Variants in EDA observed in about 807,000 individuals in gnomAD.
EDA encodes the protein ectodysplasin-A.
In EDA, 2 loss-of-function variants were observed where a neutral mutation model predicts 23.6. The ratio of observed to expected loss-of-function variants is 0.08; its 90% confidence interval spans 0.03 to 0.27. EDA has a LOEUF of 0.27. Ranked by LOEUF, EDA falls within the 10% of genes least tolerant of loss-of-function variation. The probability of loss-of-function intolerance (pLI) is 1.00; values close to 1 mark genes in which losing one functional copy is unlikely to be tolerated. For missense variants in EDA, 229 were observed against 324.2 expected (o/e 0.71, Z 2.26); for synonymous variants, 131 against 132.0 (o/e 0.99, Z 0.05).
At chrX:69,830,260 C>T (rs1002800592) in intron 1 of EDA, among the ~76,000 whole-genome samples, 1 of 111,625 alleles carries the variant, frequency 9.0e-6, no homozygotes, top group Admixed American at 9.6e-5. Context: ...TTTTTTAAAG[C>T]CAGAATGACT....
At chrX:69,904,368 TG>T (rs1207307162) in intron 1 of EDA, among the ~76,000 whole-genome samples, 1 of 110,665 alleles carries the variant, frequency 9.0e-6, no homozygotes, top group Non-Finnish European at 1.9e-5. Context: ...TTTTTTTCTT[TG>T]AGACACTATC....
chrX:69,715,712 A>G (rs1227397358), intron 1 of EDA, among the ~76,000 whole-genome samples: 1 of 112,063 alleles, frequency 8.9e-6, no homozygotes, highest in Non-Finnish European at 1.9e-5. Context: ...GTGTATAAGC[A>G]TTCTCTTTTC....
At chrX:69,847,478 TC>T (rs1454245503) in intron 1 of EDA, among the ~76,000 whole-genome samples, 1 of 111,279 alleles carries the variant, frequency 9.0e-6, no homozygotes. Flanking sequence ...CCCTCCTCTC[TC>T]CTTACTACTA....
intron 1 of EDA, among the ~76,000 whole-genome samples, chrX:69,764,909 A>C (rs1452077073): frequency 9.0e-6 from 1 of 111,667 alleles, no homozygotes; most frequent in East Asian, 2.9e-4. Flanking sequence ...CAATTCTCAA[A>C]CCAAATTAAT....
In EDA at chrX:69,616,272, C is replaced by T. The variant is rs1377938005; in HGVS notation, c.-37C>T. The T allele has an allele frequency of 1.7e-6, 2 of 1,158,496 alleles. No homozygotes were observed. The highest frequency in any genetic ancestry group is 1.1e-6 in the Non-Finnish European group (1 of 874,548). On this transcript the variant is annotated 5_prime_UTR_variant, in exon 1 of 8. Coordinates refer to ENST00000374552, the MANE Select transcript of EDA (RefSeq NM_001399.5). ...TGAACGGCTGAGGCAGACGCAGCGGCTCCCGGGCCTCAAGAGAGTGGGTGT... is the reference window on the plus strand; with the variant it reads ...TGAACGGCTGAGGCAGACGCAGCGGTTCCCGGGCCTCAAGAGAGTGGGTGT...
chrX:70,027,492 C>A (rs1209148495), intron 3 of EDA, among the ~76,000 whole-genome samples: 1 of 111,531 alleles, frequency 9.0e-6, no homozygotes, highest in African/African-American at 3.3e-5. Flanking sequence ...GTCTGTAGAA[C>A]TCCTGACAGT....
chrX:69,787,418 G>C lies in EDA; in HGVS notation c.397-169609G>C, dbSNP rs1160152746. 6.6e-5 allele frequency among the ~76,000 whole-genome samples: 7 copies of C among 106,285 alleles called. No homozygotes were observed. The East Asian group carries it at 2.0e-3, about 30-fold the overall frequency. The allele number at this position is 106,285 out of a possible 115,157, so 92.3% of individuals were successfully genotyped here. A position where few individuals can be genotyped will look rare whatever the true frequency, so the allele number is the denominator to read the frequency against. On this transcript the variant is annotated intron_variant, in intron 1 of 7. Coordinates refer to ENST00000374552, the MANE Select transcript of EDA (RefSeq NM_001399.5). Reference sequence around the variant, plus strand: ...TCTTTACATTTTGGCATGATTTTGTGGTGGCTGGTACCGGTTGTTCCTTTC... The same window carrying C: ...TCTTTACATTTTGGCATGATTTTGTCGTGGCTGGTACCGGTTGTTCCTTTC...
intron 1 of EDA, among the ~76,000 whole-genome samples, chrX:69,947,527 C>CTTATGCCACCCCTGCTTATGG (rs1369556104): frequency 8.9e-6 from 1 of 112,072 alleles, no homozygotes; most frequent in African/African-American, 3.2e-5. Context: ...TAGAGTATTT[C>CTTATGCCACCCCTGCTTATGG]TTATGCCACC....
intron 2 of EDA, among the ~76,000 whole-genome samples, chrX:69,975,041 T>C (rs958799149): frequency 3.6e-5 from 4 of 111,915 alleles, no homozygotes; most frequent in Non-Finnish European, 7.5e-5. Flanking sequence ...TCAACCACTG[T>C]GGAAAGCAGT....
intron 1 of EDA, among the ~76,000 whole-genome samples, chrX:69,732,424 A>G (rs778727647): frequency 6.2e-5 from 7 of 112,340 alleles, no homozygotes; most frequent in Non-Finnish European, 1.3e-4. Flanking sequence ...TACAAAGGAC[A>G]TGAACTCATC....
At chrX:69,695,573 G>A (rs776597492) in intron 1 of EDA, among the ~76,000 whole-genome samples, 5 of 98,157 alleles carry the variant, frequency 5.1e-5, no homozygotes, top group Non-Finnish European at 8.1e-5. Flanking sequence ...GCAGTGGCAC[G>A]ATCTCGGCTC....
chrX:69,764,353 G>A (rs1602382293), intron 1 of EDA, among the ~76,000 whole-genome samples: 1 of 97,707 alleles, frequency 1.0e-5, no homozygotes, highest in Non-Finnish European at 2.0e-5. Flanking sequence ...GGCGATTCTC[G>A]TGCCTCAACC....
chrX:69,977,921 T>C (rs2019339874), intron 2 of EDA, among the ~76,000 whole-genome samples: 1 of 111,429 alleles, frequency 9.0e-6, no homozygotes, highest in Non-Finnish European at 1.9e-5. Flanking sequence ...ATTGACAAGA[T>C]CAATGCATCA....
At chrX:69,873,600 A>G (rs941400498) in intron 1 of EDA, among the ~76,000 whole-genome samples, 4 of 112,438 alleles carry the variant, frequency 3.6e-5, no homozygotes, top group African/African-American at 1.3e-4. Flanking sequence ...ATATCATTCA[A>G]GGCTACTATG....
intron 2 of EDA, among the ~76,000 whole-genome samples, chrX:69,976,892 C>T (rs2019326163): frequency 9.0e-6 from 1 of 111,095 alleles, no homozygotes; most frequent in Admixed American, 9.6e-5. Flanking sequence ...TTTTTCAAGC[C>T]TTGGACTAAG....
intron 1 of EDA, among the ~76,000 whole-genome samples, chrX:69,773,008 C>T (rs2014681551): frequency 9.0e-6 from 1 of 111,569 alleles, no homozygotes; most frequent in African/African-American, 3.3e-5. Flanking sequence ...CCCAAAAAAC[C>T]CTCTATCCAT....
intron 2 of EDA, among the ~76,000 whole-genome samples, chrX:69,978,890 A>G (rs746022918): frequency 1.8e-5 from 2 of 111,889 alleles, no homozygotes; most frequent in Non-Finnish European, 3.8e-5. Context: ...TTCCTTTTTT[A>G]TCATGGTAAA....
intron 2 of EDA, among the ~76,000 whole-genome samples, chrX:69,963,263 CT>C (rs1243013027): frequency 8.9e-6 from 1 of 112,063 alleles, no homozygotes; most frequent in Non-Finnish European, 1.9e-5. Context: ...AGAAAACAGA[CT>C]TTCTGCCCGT....
At chrX:69,751,542 G>T (rs1287150695) in intron 1 of EDA, among the ~76,000 whole-genome samples, 1 of 111,889 alleles carries the variant, frequency 8.9e-6, no homozygotes, top group Non-Finnish European at 1.9e-5. Flanking sequence ...CTTTAAAGTA[G>T]TTTTTTCCAA....
Sources: gnomAD v4.1 joint callset for allele counts (sites outside exome capture counted in the v4.1 genomes callset) on GRCh38, gnomAD v4.1.1 for gene constraint, MANE v1.5 for transcripts, NCBI Gene and HGNC (gene_info 2026-07-23, HGNC 2026-07-21) for gene names.